The following ADAMTS12 variants were observed in gnomAD, a reference collection of about 807,000 sequenced individuals.
ADAMTS12 encodes ADAM metallopeptidase with thrombospondin type 1 motif 12.
ADAMTS12 carries 118 observed loss-of-function variants against 167.8 expected under a neutral mutation model. The ratio of observed to expected loss-of-function variants is 0.70; its 90% CI spans 0.61 to 0.82. ADAMTS12 has a LOEUF of 0.82. ADAMTS12 is among the 40% of genes least tolerant of loss of function. The probability of loss-of-function intolerance (pLI) is 0.00; values close to 1 mark genes in which losing one functional copy is unlikely to be tolerated. For synonymous variants in ADAMTS12, 704 were observed against 716.9 expected, an observed-to-expected ratio of 0.98 and a Z score of 0.29; for missense variants, 1,916 against 1,998.8, an observed-to-expected ratio of 0.96 and a Z score of 0.79.
chr5:33,607,606 G>T (rs1712433174), intron 16 of ADAMTS12, among the ~76,000 whole-genome samples: 1 of 152,032 alleles, frequency 6.6e-6, no homozygotes, highest in Non-Finnish European at 1.5e-5. Flanking sequence ...TGGGCTGTAT[G>T]GCCGTTTTAA....
intron 2 of ADAMTS12, among the ~76,000 whole-genome samples, chr5:33,824,932 T>C (rs1748002606): frequency 6.6e-6 from 1 of 152,118 alleles, no homozygotes; most frequent in Non-Finnish European, 1.5e-5. Context: ...AGCCACATGA[T>C]GAAGGAGTTT....
chr5:33,725,241 C>T (rs1356867356), intron 3 of ADAMTS12, among the ~76,000 whole-genome samples: 1 of 152,198 alleles, frequency 6.6e-6, no homozygotes, highest in Admixed American at 6.5e-5. Flanking sequence ...GCCCCACTAC[C>T]TTCAGCATTC....
chr5:33,738,679 A>G (rs1293946600), intron 3 of ADAMTS12, among the ~76,000 whole-genome samples: 2 of 152,170 alleles, frequency 1.3e-5, no homozygotes, highest in African/African-American at 4.8e-5. Flanking sequence ...GAAACTCGCT[A>G]TGTTGGTCAG....
intron 3 of ADAMTS12, among the ~76,000 whole-genome samples, chr5:33,710,120 T>G (rs990671730): frequency 1.3e-5 from 2 of 152,166 alleles, no homozygotes; most frequent in Non-Finnish European, 1.5e-5. Flanking sequence ...ATGCTAGGTA[T>G]GACCATTCCA....
Position 33,658,306 on chromosome 5 carries a change from G to C in ADAMTS12, c.1068C>G (p.Arg356=). ...TRKDICAGFN[R]PCETLGLSHL... ...GAGACAGGCCCAGGGTCTCGCAGGG[G>C]CGATTGAAACCAGCACAGATGTCCT... Residue 356 remains arginine (R), a synonymous_variant, in exon 7 of 24, where the codon CGC becomes CGG. Coordinates refer to ENST00000504830, the MANE Select transcript of ADAMTS12 (RefSeq NM_030955.4). The C allele has an allele frequency of 6.2e-7, 1 of 1,613,678 alleles. No individual in the cohort carries two copies. Among genetic ancestry groups the C allele is most frequent in the Non-Finnish European group, 8.5e-7 (1 of 1,179,666 alleles).
At chr5:33,870,740 C>A (rs1213453089) in intron 2 of ADAMTS12, among the ~76,000 whole-genome samples, 1 of 152,086 alleles carries the variant, frequency 6.6e-6, no homozygotes, top group Admixed American at 6.6e-5. Context: ...GGACAGATTT[C>A]CCCCTTGCTG....
At chr5:33,626,657 G>GTAA (rs1739639586) in intron 13 of ADAMTS12, among the ~76,000 whole-genome samples, 1 of 112,716 alleles carries the variant, frequency 8.9e-6, no homozygotes, top group Non-Finnish European at 2.0e-5. Flanking sequence ...TGGTGGTGAT[G>GTAA]TGGTAATGGT....
intron 2 of ADAMTS12, among the ~76,000 whole-genome samples, chr5:33,844,089 G>C (rs1748850760): frequency 6.6e-6 from 1 of 151,782 alleles, no homozygotes; most frequent in Non-Finnish European, 1.5e-5. Context: ...CAATACCCTT[G>C]TGATTTCCTA....
chr5:33,684,445 ATTCTTCTCTCCATT>A (rs1329241384), intron 3 of ADAMTS12, among the ~76,000 whole-genome samples: 2 of 152,186 alleles, frequency 1.3e-5, no homozygotes, highest in Non-Finnish European at 2.9e-5. Flanking sequence ...AGAGGTACAT[ATTCTTCTCTCCATT>A]TTGCAAATGT....
rs201770938 is a variant in ADAMTS12 at position 33,576,127 on chromosome 5, A to G, written c.3899T>C (p.Leu1300Pro). Residue 1300 changes from leucine to proline, a missense_variant, in exon 19 of 24, where the codon CTA (leucine) becomes CCA (proline). Physicochemically the swap from Leu to Pro is moderately conservative, Grantham distance 98. Transcript: ENST00000504830. ...GAGCTGCTTGTAATTGGAGGCATTT[A>G]GCAAAAAGCCCTCAGTAATCAGACT... is the stretch of plus-strand genomic sequence containing the variant. ...ATSLITEGFL[L>P]NASNYKQLTN... is the part of the protein sequence containing the mutation. 22 of 1,614,070 alleles carry G rather than the reference A, an allele frequency of 1.4e-5. No individual in the cohort carries two copies. The highest frequency in any genetic ancestry group is 1.9e-5 in the Non-Finnish European group (22 of 1,180,034).
At chr5:33,633,417 T>C (rs1299704015) in intron 12 of ADAMTS12, among the ~76,000 whole-genome samples, 2 of 151,022 alleles carry the variant, frequency 1.3e-5, no homozygotes, top group Admixed American at 1.3e-4. Flanking sequence ...TAGTGGTTTA[T>C]GGAGTCTTAG....
chr5:33,599,409 C>T (rs1738073928), intron 16 of ADAMTS12, among the ~76,000 whole-genome samples: 1 of 152,176 alleles, frequency 6.6e-6, no homozygotes, highest in Admixed American at 6.5e-5. Context: ...TACAGTTCTT[C>T]TGTTTTCCCT....
At chr5:33,535,812 G>A (rs1179467060) in intron 22 of ADAMTS12, among the ~76,000 whole-genome samples, 2 of 152,188 alleles carry the variant, frequency 1.3e-5, no homozygotes, top group Non-Finnish European at 2.9e-5. Flanking sequence ...AAAAAGAGAA[G>A]TGGGAGGGAA....
chr5:33,689,042 C>T (rs886234896), intron 3 of ADAMTS12, among the ~76,000 whole-genome samples: 9 of 152,160 alleles, frequency 5.9e-5, no homozygotes, highest in African/African-American at 1.9e-4. Flanking sequence ...ACCTTTCTGT[C>T]ACCACTTCTG....
chr5:33,525,887 C>T lies in ADAMTS12; in HGVS notation c.*1301G>A, dbSNP rs1579618896. 1.3e-5 allele frequency: 2 copies of T among 152,172 alleles called. No homozygotes were observed. Among genetic ancestry groups the T allele is most frequent in the East Asian group, 3.9e-4 (2 of 5,192 alleles). The allele number at this position is 152,172 out of a possible 1,614,324, so 9.4% of individuals were successfully genotyped here. A position where few individuals can be genotyped will look rare whatever the true frequency, so the allele number is the denominator to read the frequency against. ...TACCTTCCCTTAGAAATCACTTTGT[C>T]TAGAAATTTGCTCTGAATTTGAGAC... On this transcript the variant is annotated 3_prime_UTR_variant, in exon 24 of 24. Coordinates refer to ENST00000504830, the MANE Select transcript of ADAMTS12 (RefSeq NM_030955.4).
chr5:33,570,431 G>A (rs1746265064), intron 19 of ADAMTS12, among the ~76,000 whole-genome samples: 1 of 152,062 alleles, frequency 6.6e-6, no homozygotes, highest in Non-Finnish European at 1.5e-5. Flanking sequence ...AAGAGAGTGG[G>A]GGCCAATATT....
intron 22 of ADAMTS12, among the ~76,000 whole-genome samples, chr5:33,542,936 A>G (rs1269629559): frequency 6.6e-6 from 1 of 152,232 alleles, no homozygotes; most frequent in African/African-American, 2.4e-5. Flanking sequence ...CGACACCCTA[A>G]CATCACAATT....
intron 2 of ADAMTS12, among the ~76,000 whole-genome samples, chr5:33,829,112 G>A (rs953374927): frequency 1.3e-5 from 2 of 152,146 alleles, no homozygotes; most frequent in African/African-American, 4.8e-5. Flanking sequence ...AATTGATACA[G>A]TTCAATGAGA....
intron 3 of ADAMTS12, among the ~76,000 whole-genome samples, chr5:33,747,239 C>T (rs888116753): frequency 1.3e-5 from 2 of 152,156 alleles, no homozygotes; most frequent in Non-Finnish European, 2.9e-5. Flanking sequence ...TGGGCCTTGA[C>T]TCTGGGTCCA....
Sources: allele counts gnomAD v4.1 joint callset (sites outside exome capture counted in the v4.1 genomes callset), GRCh38; gene constraint gnomAD v4.1.1; transcripts MANE v1.5; gene names NCBI Gene and HGNC (gene_info 2026-07-23, HGNC 2026-07-21).